The following ENPP2 variants were observed in gnomAD, a reference collection of about 807,000 sequenced individuals.
ENPP2 encodes ectonucleotide pyrophosphatase/phosphodiesterase 2, also known as autotaxin.
In ENPP2, 51 loss-of-function variants were observed where a neutral mutation model predicts 120.2. The ratio of observed to expected loss-of-function variants is 0.42; its 90% confidence interval spans 0.34 to 0.54. The LOEUF (loss-of-function observed/expected upper bound fraction) is 0.54, where lower values mean the gene tolerates loss of function less well. Ranked by LOEUF, ENPP2 falls within the 20% of genes least tolerant of loss-of-function variation. The pLI is 0.04. For synonymous variants in ENPP2, 365 were observed against 366.4 expected, an observed-to-expected ratio of 1.00 and a Z score of 0.04; for missense variants, 920 against 1,066.5, an observed-to-expected ratio of 0.86 and a Z score of 1.91.
chr8:119,593,822 C>T lies in ENPP2; in HGVS notation c.1011G>A (p.Gly337=), dbSNP rs1813704580. 6.2e-7 allele frequency: 1 copy of T among 1,612,714 alleles called. No homozygotes were observed. The highest frequency in any genetic ancestry group is 8.5e-7 in the Non-Finnish European group (1 of 1,178,736). ...GTTGTTTCAGTCCATCCATTAATTG[C>T]CCCACAATTTTGTCGATTTCCCTCA... ...NPLREIDKIV[G]QLMDGLKQLK... The change falls in exon 12 of 25, where the codon GGG becomes GGA. Residue 337 remains glycine (G), a synonymous_variant. Transcript: ENST00000075322.
chr8:119,649,411 A>AAATAG (rs1817565205), intron 1 of ENPP2, among the ~76,000 whole-genome samples: 1 of 150,500 alleles, frequency 6.6e-6, no homozygotes, highest in South Asian at 2.1e-4. Context: ...CAAAAAAAAA[A>AAATAG]AAAAGAAAAG....
chr8:119,567,481 T>C (rs1455145731), intron 22 of ENPP2, among the ~76,000 whole-genome samples: 2 of 152,206 alleles, frequency 1.3e-5, no homozygotes, highest in African/African-American at 4.8e-5. Context: ...GGAACTTGGC[T>C]TTTTGTGCCC....
chr8:119,604,754 T>C (rs1325676194), intron 9 of ENPP2, among the ~76,000 whole-genome samples: 1 of 152,068 alleles, frequency 6.6e-6, no homozygotes, highest in Non-Finnish European at 1.5e-5. Context: ...CTAATAAGCA[T>C]TTTATGTTGT....
Position 119,644,606 on chromosome 8 carries a change from A to G in ENPP2, c.22-6079T>C, listed in dbSNP as rs1365773622. On this transcript the variant is annotated intron_variant, in intron 1 of 25. Coordinates refer to the ENPP2 transcript ENST00000427067. ...TACTAAAATATATATATATATATAT[A>G]TATATATATATATATATATACACAC... Among the ~76,000 whole-genome samples, 128 of 98,706 alleles carry G rather than the reference A, an allele frequency of 1.3e-3. 1 individual carries two copies. In the Middle Eastern group the frequency reaches 0.057, roughly 44 times the overall value. 64.8% of individuals were successfully genotyped at this position (98,706 alleles called of 152,430 possible). A position where few individuals can be genotyped will look rare whatever the true frequency, so the allele number is the denominator to read the frequency against.
At chr8:119,650,592 T>C (rs1041396723) in intron 1 of ENPP2, among the ~76,000 whole-genome samples, 2 of 152,180 alleles carry the variant, frequency 1.3e-5, no homozygotes, top group African/African-American at 4.8e-5. Flanking sequence ...TTTTCAGTTC[T>C]CAGGTTCATG....
chr8:119,588,816 G>A (rs1471759760), intron 13 of ENPP2, among the ~76,000 whole-genome samples: 6 of 152,186 alleles, frequency 3.9e-5, no homozygotes, highest in Non-Finnish European at 7.3e-5. Context: ...AATATCCAAT[G>A]CCTGAGTCCA....
intron 11 of ENPP2, chr8:119,596,024 T>C: frequency 6.2e-7 from 1 of 1,611,876 alleles, no homozygotes; most frequent in Non-Finnish European, 8.5e-7. Context: ...GATAGAGATG[T>C]CTGGACTCAG....
At chr8:119,615,696 C>T (rs1192914236) in intron 8 of ENPP2, among the ~76,000 whole-genome samples, 1 of 152,024 alleles carries the variant, frequency 6.6e-6, no homozygotes. Flanking sequence ...TCAGTGAGTT[C>T]CCTTTTTTTC....
intron 12 of ENPP2, 131 bp downstream of exon 12, chr8:119,593,621 C>A: frequency 1.6e-6 from 1 of 643,682 alleles, no homozygotes; most frequent in Non-Finnish European, 2.8e-6. Context: ...TGATTTCTAT[C>A]CCCATCTTAA....
chr8:119,619,422 A>C (rs1224649777), intron 4 of ENPP2, 118 bp from the exon 5 acceptor site: 4 of 655,270 alleles, frequency 6.1e-6, no homozygotes, highest in East Asian at 2.8e-5. Context: ...TATAACAAAA[A>C]AAAAAAAAAA....
intron 19 of ENPP2, among the ~76,000 whole-genome samples, chr8:119,576,465 AAACT>A (rs1372814707): frequency 6.6e-6 from 1 of 152,176 alleles, no homozygotes; most frequent in East Asian, 1.9e-4. Flanking sequence ...TTTCCTATCC[AAACT>A]AACTTCTCAT....
chr8:119,602,785 T>G (rs1302880982), intron 9 of ENPP2, among the ~76,000 whole-genome samples: 2 of 152,190 alleles, frequency 1.3e-5, no homozygotes, highest in African/African-American at 4.8e-5. Context: ...CATGATGAAT[T>G]CAAACTAAAG....
chr8:119,607,855 A>G, intron 9 of ENPP2, 67 bp downstream of exon 9: 1 of 955,036 alleles, frequency 1.0e-6, no homozygotes, highest in Non-Finnish European at 1.6e-6. Context: ...TAAAACTTAA[A>G]TTGATGTTTT....
At chr8:119,625,365 T>G (rs951851125) in intron 3 of ENPP2, among the ~76,000 whole-genome samples, 7 of 152,280 alleles carry the variant, frequency 4.6e-5, no homozygotes, top group Non-Finnish European at 8.8e-5. Context: ...GGAAAATGTG[T>G]TCTGCAAAAA....
upstream of ENPP2, among the ~76,000 whole-genome samples, chr8:119,639,077 CG>C (rs1395952378): frequency 1.3e-5 from 2 of 152,160 alleles, no homozygotes; most frequent in African/African-American, 4.8e-5. Flanking sequence ...GTTACATTGC[CG>C]TGGCCCATAA....
intron 19 of ENPP2, 34 bp from the exon 20 acceptor site, chr8:119,570,875 C>T: frequency 2.8e-6 from 4 of 1,410,926 alleles, no homozygotes; most frequent in Non-Finnish European, 3.8e-6. Context: ...GTGTTAGGTG[C>T]ATATTAAATT....
At chr8:119,612,555 G>T (rs980535525) in intron 8 of ENPP2, among the ~76,000 whole-genome samples, 2 of 152,086 alleles carry the variant, frequency 1.3e-5, no homozygotes, top group Non-Finnish European at 1.5e-5. Context: ...ACCAATACTG[G>T]CAGAGAGCAA....
intron 1 of ENPP2, among the ~76,000 whole-genome samples, chr8:119,655,986 T>A (rs1817756773): frequency 6.6e-6 from 1 of 152,208 alleles, no homozygotes; most frequent in East Asian, 1.9e-4. Flanking sequence ...CTGATTCTCT[T>A]ACGGACAGTT....
chr8:119,638,459 C>G lies in ENPP2; in HGVS notation c.102G>C (p.Lys34Asn). Residue 34 changes from lysine (K) to asparagine (N), a missense_variant, in exon 2 of 25, where the codon AAG becomes AAC. By Grantham distance (94) the Lys-to-Asn change is moderately conservative. Transcript: ENST00000075322. ...ICLGFTAHRIKRAEGWEEGPP... is the reference protein window; with the variant it reads ...ICLGFTAHRINRAEGWEEGPP... ...GACCTTCCTCCCATCCTTCTGCTCT[C>G]TTAATTCGATGTGCAGTGAATCCTA... 1 of 1,609,762 alleles carries G rather than the reference C, an allele frequency of 6.2e-7. No individual in the cohort carries two copies. The highest frequency in any genetic ancestry group is 8.5e-7 in the Non-Finnish European group (1 of 1,175,972).
Sources: gnomAD v4.1 joint callset for allele counts (sites outside exome capture counted in the v4.1 genomes callset) on GRCh38, gnomAD v4.1.1 for gene constraint, MANE v1.5 for transcripts, NCBI Gene and HGNC (gene_info 2026-07-23, HGNC 2026-07-21) for gene names.